DTNA: variants seen among roughly 807,000 people sequenced by gnomAD.
DTNA encodes dystrobrevin alpha.
Under a neutral mutation model 100.7 loss-of-function variants are expected in DTNA, and 43 were observed. That is an observed-to-expected ratio of 0.43 (90% confidence interval 0.33 to 0.55). The LOEUF (loss-of-function observed/expected upper bound fraction) is 0.55, where lower values mean the gene tolerates loss of function less well. DTNA is among the 20% of genes least tolerant of loss of function. The pLI is 0.04. For synonymous variants in DTNA, 349 were observed against 347.9 expected, an observed-to-expected ratio of 1.00 and a Z score of -0.04; for missense variants, 798 against 953.9, an observed-to-expected ratio of 0.84 and a Z score of 2.15.
At position 34,554,721 on chromosome 18, in the gene DTNA, A is replaced by G. The variant is rs1330168141; in HGVS notation, c.-2+61207A>G. On this transcript the variant is annotated intron_variant, in intron 1 of 19. Coordinates refer to the DTNA transcript ENST00000283365. The stretch of plus-strand genomic sequence containing the variant: ...GAACCAGCCTTGCATCCCAGGGATG[A>G]AGCCCACTTGATCATGGTGGATAAG... Among the ~76,000 whole-genome samples, 707 of 140,972 alleles carry G rather than the reference A, an allele frequency of 5.0e-3. 11 individuals are homozygous for G. The highest frequency in any genetic ancestry group is 0.019 in the African/African-American group (676 of 36,316). The allele number at this position is 140,972 out of a possible 152,430, so 92.5% of individuals were successfully genotyped here.
chr18:34,556,581 G>A (rs371825958), intron 1 of DTNA, among the ~76,000 whole-genome samples: 1 of 152,034 alleles, frequency 6.6e-6, no homozygotes, highest in Non-Finnish European at 1.5e-5. Context: ...GACAAAATCT[G>A]TCAGCATTTG....
At chr18:34,536,257 T>G (rs2043700265) in intron 1 of DTNA, among the ~76,000 whole-genome samples, 1 of 151,998 alleles carries the variant, frequency 6.6e-6, no homozygotes, top group South Asian at 2.1e-4. Context: ...AAATGTAAAT[T>G]TGTCTTTTTT....
chr18:34,549,699 C>T (rs1431270458), intron 1 of DTNA, among the ~76,000 whole-genome samples: 1 of 151,984 alleles, frequency 6.6e-6, no homozygotes, highest in Admixed American at 6.6e-5. Context: ...TATTTCCTTT[C>T]CTTTTGCTGA....
At chr18:34,863,377 G>A (rs1188090795) in intron 16 of DTNA, among the ~76,000 whole-genome samples, 2 of 152,228 alleles carry the variant, frequency 1.3e-5, no homozygotes, top group Admixed American at 1.3e-4. Context: ...GAACAAGTAT[G>A]TAGAAATGCC....
chr18:34,879,428 A>T, intron 19 of DTNA, 123 bp from the exon 20 acceptor site: 1 of 938,720 alleles, frequency 1.1e-6, no homozygotes, highest in Non-Finnish European at 1.6e-6. Context: ...GTATTTGATT[A>T]AAATATGATA....
At chr18:34,574,758 A>G (rs933760815) in intron 1 of DTNA, among the ~76,000 whole-genome samples, 10 of 152,290 alleles carry the variant, frequency 6.6e-5, no homozygotes, top group Non-Finnish European at 1.3e-4. Flanking sequence ...CTACCTCCCA[A>G]GTAGCTGGGA....
chr18:34,612,062 C>T (rs545790919), intron 1 of DTNA, among the ~76,000 whole-genome samples: 29 of 152,300 alleles, frequency 1.9e-4, no homozygotes, highest in African/African-American at 7.0e-4. Context: ...TGCTCAACTG[C>T]AGCCAGCTGA....
At chr18:34,827,497 A>G (rs2095885832) in intron 9 of DTNA, 96 bp from the exon 10 acceptor site, 1 of 1,116,752 alleles carries the variant, frequency 9.0e-7, no homozygotes, top group Non-Finnish European at 1.4e-6. Context: ...TAGAACCCAG[A>G]TCTTCCCATC....
intron 1 of DTNA, among the ~76,000 whole-genome samples, chr18:34,582,783 G>A (rs1461671152): frequency 6.6e-6 from 1 of 152,146 alleles, no homozygotes; most frequent in African/African-American, 2.4e-5. Flanking sequence ...ATTTCTAGAA[G>A]ACTGATTTCT....
chr18:34,518,704 CGTGTGTGTGTGTGT>C (rs57035462), intron 1 of DTNA, among the ~76,000 whole-genome samples: 31 of 121,576 alleles, frequency 2.5e-4, no homozygotes, highest in South Asian at 9.5e-4. Flanking sequence ...ATTTGGCAAA[CGTGTGTGTGTGTGT>C]GTGTGTGTGT....
At chr18:34,545,253 T>G (rs2044654325) in intron 1 of DTNA, among the ~76,000 whole-genome samples, 1 of 152,068 alleles carries the variant, frequency 6.6e-6, no homozygotes, top group African/African-American at 2.4e-5. Flanking sequence ...GGCTAGCCAA[T>G]GGACACTGGA....
intron 1 of DTNA, among the ~76,000 whole-genome samples, chr18:34,663,502 A>G (rs2075483968): frequency 6.6e-6 from 1 of 152,208 alleles, no homozygotes; most frequent in African/African-American, 2.4e-5. Context: ...GGAAGTACAC[A>G]TAAAGCACTT....
intron 1 of DTNA, among the ~76,000 whole-genome samples, chr18:34,662,135 GT>G (rs34780258): frequency 0.065 from 8,777 of 135,696 alleles, 271 homozygotes; most frequent in Non-Finnish European, 0.082. Context: ...ACCGGTTGTT[GT>G]TTTTTTTTTT....
Position 34,891,387 on chromosome 18 carries a change from G to T in DTNA, c.*3653G>T, listed in dbSNP as rs542835016. 4 of 152,582 alleles carry T rather than the reference G, an allele frequency of 2.6e-5. No individual in the cohort carries two copies. Among genetic ancestry groups the T allele is most frequent in the African/African-American group, 9.6e-5 (4 of 41,508 alleles). 9.5% of individuals were successfully genotyped at this position (152,582 alleles called of 1,614,324 possible). ...TGGAATAATTTCTTCATTAAAAAAT[G>T]TTTTTAAAAACACTATATCTTGGGT... On this transcript the variant is annotated 3_prime_UTR_variant, in exon 23 of 23. Coordinates refer to ENST00000444659, the MANE Select transcript of DTNA (RefSeq NM_001386795.1).
chr18:34,804,381 T>C (rs2095306490), intron 4 of DTNA, among the ~76,000 whole-genome samples: 1 of 152,114 alleles, frequency 6.6e-6, no homozygotes, highest in Admixed American at 6.6e-5. Flanking sequence ...TGGTCAAATT[T>C]GTGATATGAG....
intron 1 of DTNA, among the ~76,000 whole-genome samples, chr18:34,726,757 G>T (rs1475487461): frequency 9.2e-5 from 14 of 152,226 alleles, no homozygotes; most frequent in Admixed American, 9.2e-4. Flanking sequence ...AGTGCCTGTG[G>T]CTTTCCAGGC....
intron 4 of DTNA, among the ~76,000 whole-genome samples, chr18:34,797,733 C>T (rs995575976): frequency 6.6e-6 from 1 of 152,178 alleles, no homozygotes; most frequent in Non-Finnish European, 1.5e-5. Context: ...GGTGCAGTCA[C>T]AAACTCTGAG....
chr18:34,612,385 G>A (rs950597603), intron 1 of DTNA, among the ~76,000 whole-genome samples: 2 of 152,130 alleles, frequency 1.3e-5, no homozygotes, highest in Admixed American at 1.3e-4. Context: ...GGTGGCCAAG[G>A]AGGTCTCCCA....
At chr18:34,540,813 CA>C (rs1161065131) in intron 1 of DTNA, among the ~76,000 whole-genome samples, 5 of 152,036 alleles carry the variant, frequency 3.3e-5, no homozygotes, top group African/African-American at 9.7e-5. Context: ...TTCTCTAAAC[CA>C]GACATGATGT....
Sources: allele counts gnomAD v4.1 joint callset (sites outside exome capture counted in the v4.1 genomes callset), GRCh38; gene constraint gnomAD v4.1.1; transcripts MANE v1.5; gene names NCBI Gene and HGNC (gene_info 2026-07-23, HGNC 2026-07-21).